ZNF208: variants seen among roughly 807,000 people sequenced by gnomAD.
ZNF208 encodes the protein zinc finger protein 208, also known as zinc finger protein 95.
In ZNF208, 10 loss-of-function variants were observed where a neutral mutation model predicts 12.1. That is an observed-to-expected ratio of 0.83 (90% CI 0.51 to 1.40). The LOEUF is 1.40. ZNF208 is among the 40% of genes most tolerant of loss of function. ZNF208 has a pLI of 0.00. For synonymous variants in ZNF208, 497 were observed against 488.4 expected (o/e 1.02, Z -0.23); for missense variants, 1,652 against 1,485.0 (o/e 1.11, Z -1.85).
intron 3 of ZNF208, among the ~76,000 whole-genome samples, chr19:21,980,368 T>C (rs186549518): frequency 1.6e-3 from 236 of 152,098 alleles, no homozygotes; most frequent in Non-Finnish European, 2.7e-3. Flanking sequence ...TAACAAACAG[T>C]CTCTCAGAGC....
At chr19:21,944,060 T>A (rs567940477) in intron 4 of ZNF208, among the ~76,000 whole-genome samples, 4 of 152,314 alleles carry the variant, frequency 2.6e-5, no homozygotes, top group African/African-American at 9.6e-5. Context: ...TTGCAATAAT[T>A]TTATGAATTT....
Position 21,973,150 on chromosome 19 carries a change from C to T in ZNF208, c.1884G>A (p.Lys628=), listed in dbSNP as rs376576266. ...FSKVSTLTTH[K]AIHAGEKPYK... ...AGGGCTTCTCTCCAGCATGAATTGC[C>T]TTATGTGTAGTAAGGGTTGAGACCT... is the stretch of plus-strand genomic sequence containing the variant. Residue 628 remains lysine (K), a synonymous_variant, in exon 4 of 4, where the codon AAG becomes AAA. Transcript: ENST00000397126. The T allele has an allele frequency of 4.3e-6, 7 of 1,613,214 alleles. No homozygotes were observed. Among genetic ancestry groups the T allele is most frequent in the South Asian group, 1.1e-5 (1 of 91,020 alleles).
At chr19:22,006,031 C>T (rs1341175889) in intron 1 of ZNF208, among the ~76,000 whole-genome samples, 1 of 152,116 alleles carries the variant, frequency 6.6e-6, no homozygotes, top group African/African-American at 2.4e-5. Flanking sequence ...CAGTGGTCAA[C>T]ATAAAATACC....
intron 4 of ZNF208, among the ~76,000 whole-genome samples, chr19:21,950,123 T>A (rs577930305): frequency 6.6e-6 from 1 of 152,210 alleles, no homozygotes; most frequent in South Asian, 2.1e-4. Flanking sequence ...AAATAAACAT[T>A]TTTAAAGTGT....
chr19:21,975,823 CAAAAAAAAAAAAAAA>C (rs532995268), intron 3 of ZNF208, among the ~76,000 whole-genome samples: 5 of 26,408 alleles, frequency 1.9e-4, no homozygotes, highest in South Asian at 3.0e-3. Flanking sequence ...AGTCAAAGTC[CAAAAAAAAAAAAAAA>C]AAAAAAAAAA....
At chr19:21,960,352 T>A (rs1428572542) in intron 4 of ZNF208, among the ~76,000 whole-genome samples, 3 of 151,894 alleles carry the variant, frequency 2.0e-5, no homozygotes, top group Non-Finnish European at 4.4e-5. Context: ...ATTTATAGTA[T>A]AAAATTAAAA....
intron 1 of ZNF208, among the ~76,000 whole-genome samples, chr19:21,999,049 C>CT (rs1970892591): frequency 3.8e-5 from 1 of 26,182 alleles, no homozygotes; most frequent in Non-Finnish European, 7.9e-5. Flanking sequence ...AATTTTATAG[C>CT]ATAATTTTAT....
rs757637569 is a variant in ZNF208 at position 21,971,413 on chromosome 19, CT to C, written c.3620del (p.Lys1207SerfsTer39). On this transcript the variant is annotated frameshift_variant, in exon 4 of 4. Transcript: ENST00000397126. LOFTEE classifies it low-confidence loss of function (END_TRUNC). ...YKCEECGKAYKWPSTLRYHKK... is the reference protein window; with the variant it reads ...YKCEECGKAYXWPSTLRYHKK... ...TGTGATATCTAAGGGTTGAGGGCCACTTATAGGCTTTGCCACATTCTTCACA... is the reference window on the plus strand; with the variant it reads ...TGTGATATCTAAGGGTTGAGGGCCACTATAGGCTTTGCCACATTCTTCACA... The C allele has an allele frequency of 2.5e-6, 4 of 1,605,596 alleles. No individual in the cohort carries two copies. The highest frequency in any genetic ancestry group is 3.4e-6 in the Non-Finnish European group (4 of 1,178,066).
chr19:21,950,621 G>T (rs1036291501), intron 4 of ZNF208, among the ~76,000 whole-genome samples: 4 of 151,658 alleles, frequency 2.6e-5, no homozygotes, highest in African/African-American at 9.7e-5. Context: ...AGCCTCCCAA[G>T]TAGCTGGGAT....
chr19:21,984,562 A>G (rs1158148196), intron 3 of ZNF208, among the ~76,000 whole-genome samples: 1 of 151,492 alleles, frequency 6.6e-6, no homozygotes, highest in Non-Finnish European at 1.5e-5. Flanking sequence ...AAAAAAACAA[A>G]AACAAACAAA....
chr19:21,964,804 TTTAAG>T (rs1290358308), downstream of ZNF208, among the ~76,000 whole-genome samples: 3 of 151,886 alleles, frequency 2.0e-5, no homozygotes, highest in African/African-American at 7.2e-5. Context: ...AATTGAATAA[TTTAAG>T]TTTTCTCAGT....
chr19:21,973,474 A>C lies in ZNF208; in HGVS notation c.1560T>G (p.Thr520=). Residue 520 remains threonine (T), a synonymous_variant, in exon 4 of 4, where the codon ACT becomes ACG. Coordinates refer to ENST00000397126, the MANE Select transcript of ZNF208 (RefSeq NM_007153.3). ...SNLMEHKRIH[T]GEKPYKCEEC... is the part of the protein sequence containing the mutation. ...CTTCACATTTGTAGGGTTTCTCTCC[A>C]GTATGAATTCTCTTATGTTCCATAA... is the stretch of plus-strand genomic sequence containing the variant. The C allele has an allele frequency of 6.2e-7, 1 of 1,613,204 alleles. No individual in the cohort carries two copies. The highest frequency in any genetic ancestry group is 1.7e-5 in the Admixed American group (1 of 59,938).
intron 4 of ZNF208, among the ~76,000 whole-genome samples, chr19:21,951,064 C>G (rs766969936): frequency 6.6e-6 from 1 of 152,190 alleles, no homozygotes; most frequent in Non-Finnish European, 1.5e-5. Flanking sequence ...AGAATACAAA[C>G]ATCTTAAACA....
At chr19:22,001,286 AAAACAAAC>A (rs138857791) in intron 1 of ZNF208, among the ~76,000 whole-genome samples, 46 of 151,040 alleles carry the variant, frequency 3.0e-4, no homozygotes, top group East Asian at 7.9e-4. Flanking sequence ...ACTCCATCTC[AAAACAAAC>A]AAACAAACAA....
chr19:22,001,857 C>T (rs1228125852), intron 1 of ZNF208, among the ~76,000 whole-genome samples: 3 of 125,216 alleles, frequency 2.4e-5, no homozygotes, highest in Non-Finnish European at 4.7e-5. Flanking sequence ...TGCACCACTA[C>T]ACTCCAGCCT....
chr19:22,008,645 G>A (rs973345908), intron 1 of ZNF208, among the ~76,000 whole-genome samples: 8 of 152,036 alleles, frequency 5.3e-5, no homozygotes, highest in African/African-American at 1.9e-4. Flanking sequence ...GAATCCAGGG[G>A]CAAAAATTAT....
In ZNF208 at chr19:21,988,818, A is replaced by G; in HGVS notation, c.95T>C (p.Val32Ala). The change falls in exon 2 of 4, where the codon GTG (valine) becomes GCG (alanine). Residue 32 changes from valine to alanine, a missense_variant. Val to Ala is a moderately conservative substitution (Grantham distance 64). Around this residue, in one of 3 missense-constraint regions of ZNF208, gnomAD observed 410 missense variants for 378.2 expected, o/e 1.08. Transcript: ENST00000397126. The part of the protein sequence containing the change: ...DTAQQNLYRN[V>A]MLENYRNLVF... ...CAGGTTTCTGTAGTTCTCTAACATCACATTTCTATATAAATTCTGCTGTGC... is the reference window on the plus strand; with the variant it reads ...CAGGTTTCTGTAGTTCTCTAACATCGCATTTCTATATAAATTCTGCTGTGC... 6.2e-7 allele frequency: 1 copy of G among 1,614,128 alleles called. No individual in the cohort carries two copies. Among genetic ancestry groups the G allele is most frequent in the Non-Finnish European group, 8.5e-7 (1 of 1,179,986 alleles).
intron 4 of ZNF208, among the ~76,000 whole-genome samples, chr19:21,949,515 T>C (rs760359064): frequency 2.6e-5 from 4 of 152,126 alleles, no homozygotes; most frequent in Non-Finnish European, 5.9e-5. Context: ...AATGTTAAAA[T>C]AGCCAATCTT....
chr19:21,967,729 T>C lies in ZNF208; in HGVS notation c.*3462A>G, dbSNP rs1162891378. 3 of 152,152 alleles carry C rather than the reference T, an allele frequency of 2.0e-5. No individual in the cohort carries two copies. The highest frequency in any genetic ancestry group is 4.4e-5 in the Non-Finnish European group (3 of 68,008). The allele number at this position is 152,152 out of a possible 1,614,324, so 9.4% of individuals were successfully genotyped here. ...CTGAAGTTTTCTTGGCTATTTGAGC[T>C]CTTTAATTCTTTTGAATGTATTTTA... On this transcript the variant is annotated 3_prime_UTR_variant, in exon 4 of 4. Transcript: ENST00000397126.
Sources: allele counts gnomAD v4.1 joint callset (sites outside exome capture counted in the v4.1 genomes callset), GRCh38; gene constraint gnomAD v4.1.1; regional missense constraint gnomAD v4.1.1; transcripts MANE v1.5; gene names NCBI Gene and HGNC (gene_info 2026-07-23, HGNC 2026-07-21).